Variants in RREB1 observed in about 807,000 individuals in gnomAD.
The protein encoded by RREB1 is ras-responsive element-binding protein 1.
A neutral mutation model predicts 117.8 loss-of-function variants in RREB1; 27 were observed. That is an observed-to-expected ratio of 0.23 (90% CI 0.17 to 0.32). The LOEUF (loss-of-function observed/expected upper bound fraction) is 0.32. Ranked by LOEUF, RREB1 falls within the 10% of genes least tolerant of loss-of-function variation. The pLI is 1.00. For missense variants in RREB1, 2,577 were observed against 2,378.2 expected (o/e 1.08, Z -1.74); for synonymous variants, 1,298 against 1,026.7 (o/e 1.26, Z -5.05).
intron 1 of RREB1, among the ~76,000 whole-genome samples, chr6:7,143,250 T>C (rs1025644647): frequency 6.6e-6 from 1 of 152,196 alleles, no homozygotes; most frequent in Non-Finnish European, 1.5e-5. Context: ...CAGGTGTAAA[T>C]GCGGCTCATT....
intron 1 of RREB1, among the ~76,000 whole-genome samples, chr6:7,115,725 T>C (rs1459535766): frequency 6.6e-6 from 1 of 152,102 alleles, no homozygotes; most frequent in Non-Finnish European, 1.5e-5. Flanking sequence ...CTCCCAACTC[T>C]ATATCTCCAT....
At chr6:7,159,258 G>A (rs1019476787) in intron 1 of RREB1, among the ~76,000 whole-genome samples, 1 of 152,086 alleles carries the variant, frequency 6.6e-6, no homozygotes, top group Non-Finnish European at 1.5e-5. Context: ...TAGGTTGTGG[G>A]CCATGTTTAC....
rs1015473218 is a variant in RREB1, at chr6:7,190,551, A to G, written c.425+1229A>G. Among the ~76,000 whole-genome samples the G allele has an allele frequency of 2.6e-5, 4 of 152,374 alleles. No homozygotes were observed. The South Asian group carries it at 8.3e-4, about 32-fold the overall frequency. On this transcript the variant is annotated intron_variant, in intron 6 of 12. Transcript: ENST00000379938. ...AAAAGTGAATATTTTAAGAATTTACAAAGTGTTTTGCTTTTTATTTTCTCA... is the reference window on the plus strand; with the variant it reads ...AAAAGTGAATATTTTAAGAATTTACGAAGTGTTTTGCTTTTTATTTTCTCA...
intron 1 of RREB1, among the ~76,000 whole-genome samples, chr6:7,110,488 G>GTGTGTGTGTGTGTGTGTGTGTGTA (rs1232355210): frequency 3.9e-5 from 6 of 152,028 alleles, no homozygotes; most frequent in Non-Finnish European, 8.8e-5. Flanking sequence ...TGGTGTGTGT[G>GTGTGTGTGTGTGTGTGTGTGTGTA]TGTGTGTGTA....
chr6:7,232,981 G>C (rs1768095576), intron 10 of RREB1, among the ~76,000 whole-genome samples: 1 of 151,988 alleles, frequency 6.6e-6, no homozygotes, highest in South Asian at 2.1e-4. Flanking sequence ...TGCAACCTCT[G>C]CCTCCCTGGT....
rs1021622434 is a variant in RREB1, at chr6:7,151,463, G to A, written c.-284-25192G>A. Among the ~76,000 whole-genome samples, 5 of 152,216 alleles carry A rather than the reference G, an allele frequency of 3.3e-5. No individual in the cohort carries two copies. The East Asian group carries it at 9.6e-4, about 29-fold the overall frequency. On this transcript the variant is annotated intron_variant, in intron 1 of 12. Transcript: ENST00000379938. ...AGCAGCAGGCCCTGGCAACCTCTGT[G>A]CTATGGAGTCCACGCAGAACAGGGA... is the stretch of plus-strand genomic sequence containing the variant.
At chr6:7,240,321 A>T in intron 10 of RREB1, 117 bp from the exon 11 acceptor site, 1 of 616,558 alleles carries the variant, frequency 1.6e-6, no homozygotes, top group Non-Finnish European at 2.6e-6. Context: ...AATTTTCTTG[A>T]AGGGATGGAG....
intron 11 of RREB1, among the ~76,000 whole-genome samples, chr6:7,244,220 A>G (rs1334431219): frequency 6.6e-6 from 1 of 150,918 alleles, no homozygotes; most frequent in East Asian, 1.9e-4. Flanking sequence ...CTGAGACTGC[A>G]CCACTGCACT....
intron 1 of RREB1, among the ~76,000 whole-genome samples, chr6:7,173,540 T>TA (rs1190990178): frequency 6.6e-6 from 1 of 150,710 alleles, no homozygotes; most frequent in African/African-American, 2.4e-5. Context: ...TTTTTGCCTA[T>TA]AATCCCAGCA....
intron 1 of RREB1, among the ~76,000 whole-genome samples, chr6:7,162,637 G>A (rs184377946): frequency 1.3e-5 from 2 of 152,036 alleles, no homozygotes; most frequent in East Asian, 1.9e-4. Flanking sequence ...CCAGGTTTTC[G>A]CACAGATCCC....
chr6:7,247,357 G>A (rs1769150711), intron 12 of RREB1, 136 bp downstream of exon 12: 4 of 758,280 alleles, frequency 5.3e-6, no homozygotes, highest in Admixed American at 2.9e-5. Context: ...CTTTAAGCCC[G>A]TGAACTAGGA....
intron 1 of RREB1, among the ~76,000 whole-genome samples, chr6:7,144,058 G>A (rs892154107): frequency 6.8e-6 from 1 of 147,828 alleles, no homozygotes; most frequent in African/African-American, 2.5e-5. Context: ...TTTGTGGCTT[G>A]GTTTTGCACA....
chr6:7,175,272 AC>A (rs1255612413), intron 1 of RREB1, among the ~76,000 whole-genome samples: 2 of 144,174 alleles, frequency 1.4e-5, no homozygotes, highest in African/African-American at 5.2e-5. Context: ...AGGGATTCTT[AC>A]CCTGCTGTCC....
At chr6:7,187,634 G>GT (rs2113548394) in intron 5 of RREB1, 111 bp downstream of exon 5, 1 of 434,688 alleles carries the variant, frequency 2.3e-6, no homozygotes, top group African/African-American at 2.0e-5. Context: ...AGAACAAGGA[G>GT]TTAAACACTC....
intron 8 of RREB1, chr6:7,216,791 C>T (rs1766924539): frequency 6.6e-6 from 1 of 152,370 alleles, no homozygotes; most frequent in Non-Finnish European, 1.5e-5. Flanking sequence ...CTTCCGGGGG[C>T]TATGAACAGA....
At chr6:7,204,667 G>A (rs1018396267) in intron 6 of RREB1, among the ~76,000 whole-genome samples, 12 of 152,170 alleles carry the variant, frequency 7.9e-5, no homozygotes, top group African/African-American at 2.9e-4. Flanking sequence ...ACAGTGTCCT[G>A]TGTCCTGACG....
At chr6:7,217,982 G>A (rs186988525) in intron 8 of RREB1, 1 of 152,236 alleles carries the variant, frequency 6.6e-6, no homozygotes, top group South Asian at 2.1e-4. Flanking sequence ...AAATGGAGTG[G>A]CTCTTTAAAT....
intron 1 of RREB1, among the ~76,000 whole-genome samples, chr6:7,144,718 A>C (rs982524974): frequency 6.6e-6 from 1 of 152,048 alleles, no homozygotes. Flanking sequence ...ACTGGTTCAA[A>C]TTGTCAGTTC....
In RREB1 at chr6:7,131,189, G is replaced by A. The variant is rs367934301; in HGVS notation, c.-285+23129G>A. Among the ~76,000 whole-genome samples the A allele has an allele frequency of 6.6e-5, 10 of 151,922 alleles. No homozygotes were observed. The East Asian group carries it at 1.7e-3, about 26-fold the overall frequency. ...GATCCATCCACGTCGGCCTCCCAAA[G>A]TGCTGGGATTACAGGCGTGAGCCAC... On this transcript the variant is annotated intron_variant, in intron 1 of 12. Coordinates refer to ENST00000379938, the MANE Select transcript of RREB1 (RefSeq NM_001003699.4).
Sources: gnomAD v4.1 joint callset for allele counts (sites outside exome capture counted in the v4.1 genomes callset) on GRCh38, gnomAD v4.1.1 for gene constraint, MANE v1.5 for transcripts, NCBI Gene and HGNC (gene_info 2026-07-23, HGNC 2026-07-21) for gene names.